The following PDE1C variants were observed in gnomAD, a reference collection of about 807,000 sequenced individuals.
PDE1C encodes the protein dual specificity calcium/calmodulin-dependent 3',5'-cyclic nucleotide phosphodiesterase 1C.
Under a neutral mutation model 93.1 loss-of-function variants are expected in PDE1C, and 62 were observed. The ratio of observed to expected loss-of-function variants is 0.67; its 90% CI spans 0.54 to 0.82. PDE1C has a LOEUF of 0.82. Ranked by LOEUF, PDE1C falls within the 40% of genes least tolerant of loss-of-function variation. The pLI, the probability that PDE1C is intolerant of heterozygous loss-of-function variation, is 0.00. For synonymous variants in PDE1C, 325 were observed against 310.1 expected (o/e 1.05, Z -0.50); for missense variants, 742 against 884.6 (o/e 0.84, Z 2.04).
chr7:31,991,724 CTG>C (rs1784164091), intron 2 of PDE1C, among the ~76,000 whole-genome samples: 1 of 152,126 alleles, frequency 6.6e-6, no homozygotes, highest in East Asian at 1.9e-4. Flanking sequence ...ATGTGTATGT[CTG>C]TGTATATGCG....
At chr7:32,409,309 C>A (rs1785118753) in intron 1 of PDE1C, among the ~76,000 whole-genome samples, 1 of 151,960 alleles carries the variant, frequency 6.6e-6, no homozygotes, top group African/African-American at 2.4e-5. Flanking sequence ...TGCAGTGAAC[C>A]AAGATTGAGC....
intron 1 of PDE1C, among the ~76,000 whole-genome samples, chr7:32,384,464 G>A (rs1011478088): frequency 2.6e-5 from 4 of 152,164 alleles, no homozygotes; most frequent in Admixed American, 6.5e-5. Context: ...AGATATGTAC[G>A]GTGACAGATT....
chr7:31,833,222 CCA>C (rs1790646512), intron 11 of PDE1C, among the ~76,000 whole-genome samples: 2 of 152,186 alleles, frequency 1.3e-5, no homozygotes, highest in South Asian at 4.1e-4. Flanking sequence ...CCTTTGTCTT[CCA>C]CCACAGTTGT....
intron 16 of PDE1C, among the ~76,000 whole-genome samples, chr7:31,797,894 A>G (rs1419019090): frequency 6.6e-6 from 1 of 151,764 alleles, no homozygotes; most frequent in East Asian, 1.9e-4. Flanking sequence ...ATGTGTGGCT[A>G]AAAAACAGGC....
At chr7:31,883,413 A>C (rs1015233510) in intron 2 of PDE1C, among the ~76,000 whole-genome samples, 1 of 152,234 alleles carries the variant, frequency 6.6e-6, no homozygotes. Flanking sequence ...TTCTGGAAAG[A>C]AGAGACAGAT....
intron 3 of PDE1C, among the ~76,000 whole-genome samples, chr7:32,107,116 A>T (rs1191033683): frequency 6.6e-6 from 1 of 150,984 alleles, no homozygotes; most frequent in South Asian, 2.1e-4. Context: ...AATATATGTC[A>T]GTCACTAGAA....
At chr7:31,886,745 G>C (rs992390298) in intron 2 of PDE1C, among the ~76,000 whole-genome samples, 1 of 8,914 alleles carries the variant, frequency 1.1e-4, no homozygotes, top group Non-Finnish European at 2.0e-4. Flanking sequence ...CATGGAGAGA[G>C]CAGACTGAAG....
At chr7:32,423,136 C>T (rs562636689) in intron 1 of PDE1C, among the ~76,000 whole-genome samples, 15 of 152,214 alleles carry the variant, frequency 9.9e-5, no homozygotes, top group East Asian at 3.9e-4. Context: ...GCACTTTGGG[C>T]GGCTGATATG....
At chr7:32,329,889 A>G (rs150682508) in intron 1 of PDE1C, among the ~76,000 whole-genome samples, 2 of 152,348 alleles carry the variant, frequency 1.3e-5, no homozygotes, top group East Asian at 3.9e-4. Context: ...GATTACTAAC[A>G]GCTTCAGGCT....
the PDE1C span, among the ~76,000 whole-genome samples, chr7:31,701,567 C>T: frequency 6.6e-6 from 1 of 152,186 alleles, no homozygotes; most frequent in Non-Finnish European, 1.5e-5. Context: ...AAAGGATTGA[C>T]TTGATTTTGA....
chr7:31,732,121 T>C, the PDE1C span, among the ~76,000 whole-genome samples: 1 of 152,218 alleles, frequency 6.6e-6, no homozygotes, highest in Non-Finnish European at 1.5e-5. Flanking sequence ...GAGGAGGGGC[T>C]TTAGTACTTC....
chr7:31,874,651 T>C (rs1224577391), intron 5 of PDE1C, among the ~76,000 whole-genome samples: 4 of 152,250 alleles, frequency 2.6e-5, no homozygotes, highest in Non-Finnish European at 4.4e-5. Context: ...GAATTGCATA[T>C]AGGAAAATCA....
chr7:31,644,012 G>A, the PDE1C span: 1 of 1,455,084 alleles, frequency 6.9e-7, no homozygotes, highest in Non-Finnish European at 9.2e-7. Flanking sequence ...AACACCTCAG[G>A]GATAATATTC....
chr7:32,090,797 G>C (rs1797428917), intron 3 of PDE1C, among the ~76,000 whole-genome samples: 1 of 152,168 alleles, frequency 6.6e-6, no homozygotes. Context: ...CCCTCCTGGA[G>C]ACCATCCAAA....
chr7:31,656,633 A>G, the PDE1C span: 1 of 316,518 alleles, frequency 3.2e-6, no homozygotes, highest in Non-Finnish European at 4.6e-6. Flanking sequence ...GAAGAGAATG[A>G]ACTGACTATG....
At position 32,281,580 on chromosome 7, in the gene PDE1C, T is replaced by C. The variant is rs149268939; in HGVS notation, c.85+17071A>G. On this transcript the variant is annotated intron_variant, in intron 1 of 18. Transcript: ENST00000396193. ...GGGCGACAGAGTGAGACCTTGCCTA[T>C]AACAAAACAAAACTAAACTAAAGGA... Among the ~76,000 whole-genome samples the C allele has an allele frequency of 5.3e-5, 8 of 152,080 alleles. No homozygotes were observed. In the East Asian group the frequency reaches 1.2e-3, roughly 22 times the overall value.
In PDE1C at chr7:32,123,101, A is replaced by G. The variant is rs1202185771; in HGVS notation, c.308+46684T>C. 3.9e-5 allele frequency among the ~76,000 whole-genome samples: 6 copies of G among 152,222 alleles called. No homozygotes were observed. The East Asian group carries it at 1.2e-3, about 29-fold the overall frequency. ...ATAAATACCTCGACACAAATAAACT[A>G]GAAAATCTAGAAGAAATAGATAAAT... On this transcript the variant is annotated intron_variant, in intron 3 of 18. Transcript: ENST00000396193.
chr7:31,874,476 G>T (rs1796307177), intron 5 of PDE1C, among the ~76,000 whole-genome samples: 1 of 152,206 alleles, frequency 6.6e-6, no homozygotes, highest in Non-Finnish European at 1.5e-5. Flanking sequence ...CACTGGCAGA[G>T]ACCTTGGTTC....
intron 16 of PDE1C, among the ~76,000 whole-genome samples, chr7:31,802,158 T>A (rs1786135071): frequency 6.6e-6 from 1 of 151,542 alleles, no homozygotes. Context: ...TTACTCTTTT[T>A]CTACCTTGTT....
Sources: gnomAD v4.1 joint callset for allele counts (sites outside exome capture counted in the v4.1 genomes callset) on GRCh38, gnomAD v4.1.1 for gene constraint, MANE v1.5 for transcripts, NCBI Gene and HGNC (gene_info 2026-07-23, HGNC 2026-07-21) for gene names.